AQP10: variants seen among roughly 807,000 people sequenced by gnomAD.
AQP10 encodes the protein aquaporin-10.
A neutral mutation model predicts 21.0 loss-of-function variants in AQP10; 15 were observed. The ratio of observed to expected loss-of-function variants is 0.71; its 90% confidence interval spans 0.48 to 1.10. The LOEUF (loss-of-function observed/expected upper bound fraction) is 1.10, where lower values mean the gene tolerates loss of function less well. Among genes scored for constraint, AQP10 ranks in the 50% least tolerant of loss-of-function variants. AQP10 has a pLI of 0.00. For missense variants in AQP10, 268 were observed against 379.5 expected, an observed-to-expected ratio of 0.71 and a Z score of 2.44; for synonymous variants, 143 against 155.7, an observed-to-expected ratio of 0.92 and a Z score of 0.61.
In AQP10 at chr1:154,323,611, T is replaced by C. The variant is rs781413989; in HGVS notation, c.512T>C (p.Ile171Thr). 1.2e-6 allele frequency: 2 copies of C among 1,613,780 alleles called. No homozygotes were observed. The highest frequency in any genetic ancestry group is 1.3e-5 in the African/African-American group (1 of 74,896). Reference sequence around the variant, plus strand: ...AAGGTTCTGGGCACTGGGATGCTGATTGTGGGGCTCTTGGCCATCCTGGAC... The same window carrying C: ...AAGGTTCTGGGCACTGGGATGCTGACTGTGGGGCTCTTGGCCATCCTGGAC... ...LDQVLGTGML[I>T]VGLLAILDRR... The change falls in exon 5 of 6, where the codon ATT becomes ACT. Residue 171 changes from isoleucine (I) to threonine (T), a missense_variant. Physicochemically the swap from Ile to Thr is moderately conservative, Grantham distance 89. Around this residue, in one of 3 missense-constraint regions of AQP10, gnomAD observed 229 missense variants for 295.1 expected, o/e 0.78. Transcript: ENST00000324978. The surrounding 1 kb of genome is among the most constrained non-coding windows in gnomAD (Gnocchi z 4.5).
intron 2 of AQP10, among the ~76,000 whole-genome samples, chr1:154,322,447 A>T (rs967835191): frequency 4.7e-5 from 7 of 150,388 alleles, no homozygotes; most frequent in Non-Finnish European, 8.8e-5. Flanking sequence ...TGGAAAAAGC[A>T]GACAGACCTA....
Position 154,323,401 on chromosome 1 carries a change from G to C in AQP10, c.489+42G>C, listed in dbSNP as rs750832917. 6.3e-7 allele frequency: 1 copy of C among 1,585,162 alleles called. No individual in the cohort carries two copies. Among genetic ancestry groups the C allele is most frequent in the Non-Finnish European group, 8.7e-7 (1 of 1,155,814 alleles). ...GACCTGGGGACACTACTTTGGTCCT[G>C]TTCCTCGGCACCCCAGCCTATTGTT... On this transcript the variant is annotated intron_variant, in intron 4 of 5. Coordinates refer to ENST00000324978, the MANE Select transcript of AQP10 (RefSeq NM_080429.3). This position sits in a 1 kb window ranked among gnomAD's most constrained non-coding sequence, Gnocchi z 4.5.
chr1:154,321,609 C>G (rs1474736762), intron 1 of AQP10, among the ~76,000 whole-genome samples: 1 of 152,120 alleles, frequency 6.6e-6, no homozygotes, highest in Non-Finnish European at 1.5e-5. Context: ...AATTATTTTT[C>G]ACATAGGCTT....
Position 154,323,443 on chromosome 1 carries a change from T to C in AQP10, c.489+84T>C. On this transcript the variant is annotated intron_variant, in intron 4 of 5. Coordinates refer to ENST00000324978, the MANE Select transcript of AQP10 (RefSeq NM_080429.3). This position sits in a 1 kb window ranked among gnomAD's most constrained non-coding sequence, Gnocchi z 4.5. ...CCTATTGTTCAGTCTCTGGGTGGAGTGTGGGTTGGGTCTATCTTGGCACTC... is the reference window on the plus strand; with the variant it reads ...CCTATTGTTCAGTCTCTGGGTGGAGCGTGGGTTGGGTCTATCTTGGCACTC... 6.6e-7 allele frequency: 1 copy of C among 1,517,124 alleles called. No homozygotes were observed. Among genetic ancestry groups the C allele is most frequent in the Admixed American group, 1.7e-5 (1 of 58,186 alleles). 94.0% of individuals were successfully genotyped at this position (1,517,124 alleles called of 1,614,324 possible).
At chr1:154,324,007 G>C in intron 5 of AQP10, 1 of 1,439,338 alleles carries the variant, frequency 6.9e-7, no homozygotes, top group Non-Finnish European at 9.1e-7. Flanking sequence ...TAGAGGTTGT[G>C]TTCTTAGGCA....
In AQP10 at chr1:154,322,493, T is replaced by TCTTCTTC. The variant is rs1558263945; in HGVS notation, c.232+434_232+435insCTTCTTC. On this transcript the variant is annotated intron_variant, in intron 2 of 5. Coordinates refer to ENST00000324978, the MANE Select transcript of AQP10 (RefSeq NM_080429.3). The stretch of plus-strand genomic sequence containing the variant: ...TTGGATTCACAGTGTCTTCTTCTTT[T>TCTTCTTC]TTTTTTTTTTTTTTCTTTTTTTTTG... 3.4e-4 allele frequency among the ~76,000 whole-genome samples: 51 copies of TCTTCTTC among 149,508 alleles called. 1 individual carries two copies. The highest frequency in any genetic ancestry group is 1.2e-3 in the African/African-American group (48 of 40,864).
intron 5 of AQP10, 171 bp from the exon 6 acceptor site, chr1:154,324,111 T>C: frequency 8.8e-7 from 1 of 1,140,680 alleles, no homozygotes; most frequent in Non-Finnish European, 1.2e-6. Context: ...CAAGCTCTCC[T>C]GGGGTTCCCT....
In AQP10 at chr1:154,322,066, A is replaced by G; in HGVS notation, c.232+7A>G. Reference sequence around the variant, plus strand: ...GTGGGTGGTAACGTCTCAGGTGAGGAGGGTGGGGTCTGGTCATCAGAGCAC... The same window carrying G: ...GTGGGTGGTAACGTCTCAGGTGAGGGGGGTGGGGTCTGGTCATCAGAGCAC... On this transcript the variant is annotated splice_region_variant and intron_variant, in intron 2 of 5. Transcript: ENST00000324978. 1 of 1,613,044 alleles carries G rather than the reference A, an allele frequency of 6.2e-7. No individual in the cohort carries two copies. Among genetic ancestry groups the G allele is most frequent in the Non-Finnish European group, 8.5e-7 (1 of 1,179,466 alleles).
rs1320065994 is a variant in AQP10 at position 154,324,408 on chromosome 1, G to A, written c.834G>A (p.Leu278=). The stretch of plus-strand genomic sequence containing the variant: ...AGGGCCCAGAGCCAGCTCAGGATCT[G>A]GTGTCTGCTCAACACAAAGCCTCAG... ...HPEGPEPAQD[L]VSAQHKASEL... The change falls in exon 6 of 6, where the codon CTG becomes CTA. Residue 278 remains leucine (L), a synonymous_variant. Coordinates refer to ENST00000324978, the MANE Select transcript of AQP10 (RefSeq NM_080429.3). 1 of 1,613,678 alleles carries A rather than the reference G, an allele frequency of 6.2e-7. No individual in the cohort carries two copies. The highest frequency in any genetic ancestry group is 1.1e-5 in the South Asian group (1 of 91,078).
At chr1:154,322,498 T>TTTC (rs1685667955) in intron 2 of AQP10, among the ~76,000 whole-genome samples, 4 of 104,376 alleles carry the variant, frequency 3.8e-5, no homozygotes, top group Non-Finnish European at 8.6e-5. Flanking sequence ...TCTTTTTTTT[T>TTTC]TTTTTTTTTC....
Position 154,324,085 on chromosome 1 carries a change from A to C in AQP10, c.708-197A>C, listed in dbSNP as rs111308676. 1.9e-3 allele frequency: 2,363 copies of C among 1,257,478 alleles called. 32 individuals are homozygous for C. The African/African-American group carries it at 0.03, about 16-fold the overall frequency. 77.9% of individuals were successfully genotyped at this position (1,257,478 alleles called of 1,614,324 possible). ...ATTAATATATTCAGATAATTCCCTA[A>C]GGCAAGAGGCTGGACCAAGCTCTCC... On this transcript the variant is annotated intron_variant, in intron 5 of 5. Transcript: ENST00000324978.
intron 2 of AQP10, 133 bp from the exon 3 acceptor site, chr1:154,322,849 A>G (rs891762310): frequency 1.7e-6 from 2 of 1,202,054 alleles, no homozygotes; most frequent in African/African-American, 3.0e-5. Flanking sequence ...TGGAGCCTCA[A>G]TTTCCTAAGC....
rs1685690754 is a variant in AQP10 at position 154,323,421 on chromosome 1, A to G, written c.489+62A>G. 5 of 1,553,946 alleles carry G rather than the reference A, an allele frequency of 3.2e-6. No homozygotes were observed. The highest frequency in any genetic ancestry group is 1.7e-5 in the Admixed American group (1 of 59,414). On this transcript the variant is annotated intron_variant, in intron 4 of 5. Transcript: ENST00000324978. The surrounding 1 kb of genome is among the most constrained non-coding windows in gnomAD (Gnocchi z 4.5). ...GTCCTGTTCCTCGGCACCCCAGCCTATTGTTCAGTCTCTGGGTGGAGTGTG... is the reference window on the plus strand; with the variant it reads ...GTCCTGTTCCTCGGCACCCCAGCCTGTTGTTCAGTCTCTGGGTGGAGTGTG...
chr1:154,321,367 CCTATCA>C, intron 1 of AQP10, 107 bp downstream of exon 1: 1 of 793,952 alleles, frequency 1.3e-6, no homozygotes. Context: ...CTCTCAACTC[CCTATCA>C]CTTTTCGTTT....
At chr1:154,321,328 C>T (rs1397084440) in intron 1 of AQP10, 68 bp downstream of exon 1, 9 of 1,302,764 alleles carry the variant, frequency 6.9e-6, no homozygotes, top group Non-Finnish European at 9.6e-6. Flanking sequence ...TTCTGTTGTC[C>T]TTATCTCTTT....
At position 154,323,154 on chromosome 1, in the gene AQP10, A is replaced by G; in HGVS notation, c.370+35A>G. On this transcript the variant is annotated intron_variant, in intron 3 of 5. Transcript: ENST00000324978. The surrounding 1 kb of genome is among the most constrained non-coding windows in gnomAD (Gnocchi z 4.5). Reference sequence around the variant, plus strand: ...GGAACAGAGGGAGCTGTGCCTTGAGAGCACCTGTGGGTGGGCAGGGGTGCC... The same window carrying G: ...GGAACAGAGGGAGCTGTGCCTTGAGGGCACCTGTGGGTGGGCAGGGGTGCC... The G allele has an allele frequency of 6.2e-7, 1 of 1,614,096 alleles. No homozygotes were observed. The highest frequency in any genetic ancestry group is 8.5e-7 in the Non-Finnish European group (1 of 1,179,974).
rs749598786 is a variant in AQP10 at position 154,323,015 on chromosome 1, T to C, written c.266T>C (p.Met89Thr). The change falls in exon 3 of 6, where the codon ATG becomes ACG. Residue 89 changes from methionine (M) to threonine (T), a missense_variant. Coordinates refer to ENST00000324978, the MANE Select transcript of AQP10 (RefSeq NM_080429.3). The surrounding 1 kb of genome is among the most constrained non-coding windows in gnomAD (Gnocchi z 4.5). ...AHLNPAFSLA[M>T]CIVGRLPWVK... is the part of the protein sequence containing the mutation. ...CTGAATCCAGCCTTCTCCCTGGCCATGTGCATCGTTGGACGCCTCCCCTGG... is the reference window on the plus strand; with the variant it reads ...CTGAATCCAGCCTTCTCCCTGGCCACGTGCATCGTTGGACGCCTCCCCTGG... 6.2e-7 allele frequency: 1 copy of C among 1,614,222 alleles called. No homozygotes were observed. The highest frequency in any genetic ancestry group is 1.7e-5 in the Admixed American group (1 of 60,026).
chr1:154,323,185 A>G lies in AQP10; in HGVS notation c.371-56A>G. ...TGTGGGTGGGCAGGGGTGCCTCAGA[A>G]TGGTTTTGGATGAATGAGCAAAGAG... On this transcript the variant is annotated intron_variant, in intron 3 of 5. Transcript: ENST00000324978. The surrounding 1 kb of genome is among the most constrained non-coding windows in gnomAD (Gnocchi z 4.5). 1 of 1,613,706 alleles carries G rather than the reference A, an allele frequency of 6.2e-7. No individual in the cohort carries two copies. The highest frequency in any genetic ancestry group is 8.5e-7 in the Non-Finnish European group (1 of 1,179,648).
chr1:154,323,535 C>T lies in AQP10; in HGVS notation c.490-54C>T. Reference sequence around the variant, plus strand: ...CATGGAATATTTGGATGAGAGAGGGCAGATGGAGCACCTGGCAGCTGACAG... The same window carrying T: ...CATGGAATATTTGGATGAGAGAGGGTAGATGGAGCACCTGGCAGCTGACAG... On this transcript the variant is annotated intron_variant, in intron 4 of 5. Transcript: ENST00000324978. The surrounding 1 kb of genome is among the most constrained non-coding windows in gnomAD (Gnocchi z 4.5). 6.4e-7 allele frequency: 1 copy of T among 1,573,388 alleles called. No homozygotes were observed.
Sources: allele counts gnomAD v4.1 joint callset (sites outside exome capture counted in the v4.1 genomes callset), GRCh38; gene constraint gnomAD v4.1.1; regional missense constraint gnomAD v4.1.1; non-coding constraint Gnocchi (gnomAD v3.1); transcripts MANE v1.5; gene names NCBI Gene and HGNC (gene_info 2026-07-23, HGNC 2026-07-21).